The following MED12L variants were observed in gnomAD, a reference collection of about 807,000 sequenced individuals.
MED12L encodes the protein mediator of RNA polymerase II transcription subunit 12-like protein.
MED12L carries 60 observed loss-of-function variants against 281.3 expected under a neutral mutation model. The observed-to-expected ratio is 0.21, with a 90% confidence interval of 0.17 to 0.26. The LOEUF is 0.26. Ranked by LOEUF, MED12L falls within the 10% of genes least tolerant of loss-of-function variation. The pLI is 1.00. For synonymous variants in MED12L, 974 were observed against 987.2 expected, an observed-to-expected ratio of 0.99 and a Z score of 0.25; for missense variants, 2,146 against 2,680.9, an observed-to-expected ratio of 0.80 and a Z score of 4.41.
intron 16 of MED12L, among the ~76,000 whole-genome samples, chr3:151,210,251 T>G (rs1392909783): frequency 6.6e-6 from 1 of 152,218 alleles, no homozygotes; most frequent in Non-Finnish European, 1.5e-5. Flanking sequence ...CAGTTATGGC[T>G]GGCCCCTTAT....
intron 16 of MED12L, among the ~76,000 whole-genome samples, chr3:151,292,097 CT>C (rs1367901488): frequency 6.6e-6 from 1 of 152,130 alleles, no homozygotes; most frequent in East Asian, 1.9e-4. Flanking sequence ...GAAGTACTTG[CT>C]AAACTCCAGA....
chr3:151,133,349 C>T (rs998566553), intron 5 of MED12L, among the ~76,000 whole-genome samples: 1 of 152,122 alleles, frequency 6.6e-6, no homozygotes, highest in Non-Finnish European at 1.5e-5. Flanking sequence ...TTACAGATCT[C>T]AAATGTAGAT....
chr3:151,237,815 A>G (rs924409084), intron 16 of MED12L, among the ~76,000 whole-genome samples: 1 of 152,176 alleles, frequency 6.6e-6, no homozygotes, highest in African/African-American at 2.4e-5. Flanking sequence ...AGTGATCTCA[A>G]ATGATATGGG....
intron 17 of MED12L, among the ~76,000 whole-genome samples, chr3:151,350,703 G>A (rs1255692628): frequency 1.3e-5 from 2 of 152,100 alleles, no homozygotes; most frequent in Non-Finnish European, 2.9e-5. Context: ...AAAAATGATT[G>A]CAGTAGGTAG....
chr3:151,175,482 T>C (rs1026226536), intron 11 of MED12L, among the ~76,000 whole-genome samples: 3 of 152,306 alleles, frequency 2.0e-5, no homozygotes, highest in South Asian at 2.1e-4. Context: ...TTGATTTTTT[T>C]CCCCCACTCC....
At chr3:151,197,549 C>T (rs981561795) in intron 16 of MED12L, among the ~76,000 whole-genome samples, 14 of 152,180 alleles carry the variant, frequency 9.2e-5, no homozygotes, top group Non-Finnish European at 1.3e-4. Context: ...ATTCCTAACA[C>T]GGCCTTGCTA....
intron 26 of MED12L, 55 bp downstream of exon 26, chr3:151,369,604 A>G: frequency 1.7e-6 from 2 of 1,166,998 alleles, no homozygotes; most frequent in African/African-American, 1.5e-5. Flanking sequence ...TGAAGGCAAA[A>G]TAATTTATTT....
intron 2 of MED12L, among the ~76,000 whole-genome samples, chr3:151,104,849 C>T (rs1721807824): frequency 6.6e-6 from 1 of 152,176 alleles, no homozygotes; most frequent in East Asian, 1.9e-4. Context: ...GGCAGCCTAA[C>T]TCCAATCTCT....
intron 16 of MED12L, among the ~76,000 whole-genome samples, chr3:151,321,622 C>T (rs896670950): frequency 1.3e-5 from 2 of 151,904 alleles, no homozygotes; most frequent in African/African-American, 4.8e-5. Context: ...AACTGAAGTT[C>T]AAAAATAAAG....
intron 5 of MED12L, among the ~76,000 whole-genome samples, chr3:151,151,394 G>C (rs1476806576): frequency 1.3e-5 from 2 of 152,042 alleles, no homozygotes; most frequent in Non-Finnish European, 2.9e-5. Flanking sequence ...CAGGTTGGCT[G>C]TTTGGCATAA....
At chr3:151,105,447 C>T (rs1413968161) in intron 2 of MED12L, among the ~76,000 whole-genome samples, 2 of 152,144 alleles carry the variant, frequency 1.3e-5, no homozygotes, top group Non-Finnish European at 1.5e-5. Context: ...TGCTGAGACA[C>T]CCCTCTCAGG....
At chr3:151,289,001 A>G (rs1743911193) in intron 16 of MED12L, among the ~76,000 whole-genome samples, 1 of 152,192 alleles carries the variant, frequency 6.6e-6, no homozygotes, top group Non-Finnish European at 1.5e-5. Flanking sequence ...CTTGTTTGCC[A>G]ATAATAAACT....
chr3:151,377,702 AG>A (rs1711511231), intron 30 of MED12L, among the ~76,000 whole-genome samples: 1 of 152,188 alleles, frequency 6.6e-6, no homozygotes, highest in Admixed American at 6.5e-5. Flanking sequence ...GTGACAGAAA[AG>A]TATATTGTTT....
At chr3:151,136,505 A>G (rs1028546540) in intron 5 of MED12L, among the ~76,000 whole-genome samples, 142 of 152,348 alleles carry the variant, frequency 9.3e-4, no homozygotes, top group African/African-American at 3.0e-3. Flanking sequence ...TTGCTTAGGC[A>G]TGAAAAATAG....
chr3:151,245,548 G>A (rs1297934410), intron 16 of MED12L, among the ~76,000 whole-genome samples: 12 of 149,238 alleles, frequency 8.0e-5, no homozygotes, highest in African/African-American at 2.2e-4. Context: ...ATGCAGAAAA[G>A]GCCTTTGACA....
intron 5 of MED12L, among the ~76,000 whole-genome samples, chr3:151,153,708 A>G (rs1718891218): frequency 6.6e-6 from 1 of 151,468 alleles, no homozygotes. Flanking sequence ...AGCTGGGATT[A>G]AAGGCACCCA....
Position 151,137,018 on chromosome 3 carries a change from T to C in MED12L, c.556+9034T>C, listed in dbSNP as rs981240343. 2.0e-5 allele frequency among the ~76,000 whole-genome samples: 3 copies of C among 151,856 alleles called. No homozygotes were observed. In the East Asian group the frequency reaches 5.8e-4, roughly 29 times the overall value. On this transcript the variant is annotated intron_variant, in intron 5 of 44. Coordinates refer to ENST00000687756, the MANE Select transcript of MED12L (RefSeq NM_001393769.1). ...CTCTACTAAAAATACAAAAATTAAC[T>C]GGGCATGGCGGCATGTGCCTGTAAT...
intron 16 of MED12L, among the ~76,000 whole-genome samples, chr3:151,305,968 T>C (rs1318087364): frequency 2.0e-5 from 3 of 152,174 alleles, no homozygotes; most frequent in African/African-American, 7.2e-5. Flanking sequence ...TGCCTCTTCC[T>C]GATGGGGAAG....
At chr3:151,142,526 G>A (rs1717165976) in intron 5 of MED12L, among the ~76,000 whole-genome samples, 1 of 152,148 alleles carries the variant, frequency 6.6e-6, no homozygotes. Context: ...CTAACATACT[G>A]TCTTCAGACC....
Sources: gnomAD v4.1 joint callset for allele counts (sites outside exome capture counted in the v4.1 genomes callset) on GRCh38, gnomAD v4.1.1 for gene constraint, MANE v1.5 for transcripts, NCBI Gene and HGNC (gene_info 2026-07-23, HGNC 2026-07-21) for gene names.